The following KPNA4 variants were observed in gnomAD, a reference collection of about 807,000 sequenced individuals.
KPNA4 encodes the protein karyopherin subunit alpha 4.
KPNA4 carries 13 observed loss-of-function variants against 71.3 expected under a neutral mutation model. The ratio of observed to expected loss-of-function variants is 0.18; its 90% CI spans 0.12 to 0.29. The LOEUF is 0.29. Ranked by LOEUF, KPNA4 falls within the 10% of genes least tolerant of loss-of-function variation. The pLI, the probability that KPNA4 is intolerant of heterozygous loss-of-function variation, is 1.00. For missense variants in KPNA4, 334 were observed against 603.2 expected (o/e 0.55, Z 4.67); for synonymous variants, 189 against 195.2 (o/e 0.97, Z 0.26).
chr3:160,537,492 GTTAC>G (rs1324739957), intron 1 of KPNA4, among the ~76,000 whole-genome samples: 2 of 151,264 alleles, frequency 1.3e-5, no homozygotes, highest in South Asian at 2.1e-4. Context: ...CATTTTTTAA[GTTAC>G]TTACTACAGG....
intron 15 of KPNA4, among the ~76,000 whole-genome samples, chr3:160,505,629 C>A (rs1020268015): frequency 6.6e-6 from 1 of 152,208 alleles, no homozygotes; most frequent in African/African-American, 2.4e-5. Context: ...CAAATTGGAT[C>A]CTGTTTTACT....
At chr3:160,544,032 A>G (rs1721857703) in intron 1 of KPNA4, among the ~76,000 whole-genome samples, 1 of 152,002 alleles carries the variant, frequency 6.6e-6, no homozygotes, top group Non-Finnish European at 1.5e-5. Context: ...GTGGCGTGGT[A>G]TTTTTAGTAG....
At chr3:160,512,688 T>G (rs1161102051) in intron 13 of KPNA4, among the ~76,000 whole-genome samples, 1 of 152,090 alleles carries the variant, frequency 6.6e-6, no homozygotes, top group African/African-American at 2.4e-5. Context: ...AAAAATTAGC[T>G]GGGTGTAGTG....
chr3:160,511,726 A>ATATATT (rs1293543380), intron 13 of KPNA4, among the ~76,000 whole-genome samples: 1 of 149,518 alleles, frequency 6.7e-6, no homozygotes, highest in Non-Finnish European at 1.5e-5. Flanking sequence ...ATATATATAT[A>ATATATT]TATAAATATA....
At chr3:160,544,802 G>GTT (rs149458727) in intron 1 of KPNA4, among the ~76,000 whole-genome samples, 2 of 149,978 alleles carry the variant, frequency 1.3e-5, no homozygotes, top group African/African-American at 2.4e-5. Context: ...GAGAAAAATA[G>GTT]TTTTTTTTTT....
intron 11 of KPNA4, among the ~76,000 whole-genome samples, chr3:160,519,668 G>A (rs962206597): frequency 6.6e-6 from 1 of 151,432 alleles, no homozygotes; most frequent in Non-Finnish European, 1.5e-5. Flanking sequence ...GGTGGTGGGC[G>A]CCTGTAGTCC....
intron 13 of KPNA4, among the ~76,000 whole-genome samples, chr3:160,511,965 T>G (rs1721104480): frequency 6.6e-6 from 1 of 152,170 alleles, no homozygotes; most frequent in South Asian, 2.1e-4. Flanking sequence ...AACCCTGTTA[T>G]CTTAAATATC....
chr3:160,499,244 T>C lies in KPNA4; in HGVS notation c.*2860A>G, dbSNP rs1050034290. ...CCATAACACACAATTACTGAAGTCTTTGAAAATTACAAAGGAAATATATTT... is the reference window on the plus strand; with the variant it reads ...CCATAACACACAATTACTGAAGTCTCTGAAAATTACAAAGGAAATATATTT... On this transcript the variant is annotated 3_prime_UTR_variant, in exon 17 of 17. Transcript: ENST00000334256. 2.0e-5 allele frequency: 3 copies of C among 152,116 alleles called. No homozygotes were observed. Among genetic ancestry groups the C allele is most frequent in the African/African-American group, 7.2e-5 (3 of 41,414 alleles). The allele number at this position is 152,116 out of a possible 1,614,324, so 9.4% of individuals were successfully genotyped here.
intron 10 of KPNA4, among the ~76,000 whole-genome samples, chr3:160,523,254 T>C (rs1297610520): frequency 6.6e-6 from 1 of 151,236 alleles, no homozygotes; most frequent in Admixed American, 6.6e-5. Flanking sequence ...GTGGACTGCT[T>C]GAGCCCAGGA....
intron 1 of KPNA4, among the ~76,000 whole-genome samples, chr3:160,555,010 T>A (rs1722109167): frequency 6.6e-6 from 1 of 152,198 alleles, no homozygotes; most frequent in Non-Finnish European, 1.5e-5. Context: ...GCAGAAGACA[T>A]AACCTGTGCT....
chr3:160,565,252 G>T lies in KPNA4; in HGVS notation c.31C>A (p.Arg11=), dbSNP rs769450296. 1.9e-6 allele frequency: 3 copies of T among 1,609,530 alleles called. No homozygotes were observed. Among genetic ancestry groups the T allele is most frequent in the Non-Finnish European group, 2.5e-6 (3 of 1,177,994 alleles). Reference sequence around the variant, plus strand: ...CCTTTGTTCTTGAAATTCTTGAGCCGTTGGTTGTCCAGTTTCTCGTTGTCC... The same window carrying T: ...CCTTTGTTCTTGAAATTCTTGAGCCTTTGGTTGTCCAGTTTCTCGTTGTCC... MADNEKLDNQ[R]LKNFKNKGRD... The change falls in exon 1 of 17, where the codon CGG becomes AGG. Residue 11 remains arginine, a synonymous_variant. Coordinates refer to ENST00000334256, the MANE Select transcript of KPNA4 (RefSeq NM_002268.5).
chr3:160,563,870 A>G (rs1209785309), intron 1 of KPNA4, among the ~76,000 whole-genome samples: 1 of 152,204 alleles, frequency 6.6e-6, no homozygotes, highest in East Asian at 1.9e-4. Context: ...GAACCACAGA[A>G]TTAACATCCC....
In KPNA4 at chr3:160,565,521, G is replaced by A; in HGVS notation, c.-239C>T. On this transcript the variant is annotated 5_prime_UTR_variant, in exon 1 of 17. Coordinates refer to ENST00000334256, the MANE Select transcript of KPNA4 (RefSeq NM_002268.5). ...AAGACAACTGTGGGGCCGGGCGGCG[G>A]CAAGGCGACGGAATGTGCTGCCGGC... 1 of 542,324 alleles carries A rather than the reference G, an allele frequency of 1.8e-6. No individual in the cohort carries two copies. Among genetic ancestry groups the A allele is most frequent in the East Asian group, 3.3e-5 (1 of 30,274 alleles). The allele number at this position is 542,324 out of a possible 1,614,324, so 33.6% of individuals were successfully genotyped here. A position where few individuals can be genotyped will look rare whatever the true frequency, so the allele number is the denominator to read the frequency against.
rs116550228 is a variant in KPNA4 at position 160,560,007 on chromosome 3, G to C, written c.69+5207C>G. ...ATGAAAAGCACAGAAAACAAACTGT[G>C]TTTTCTAGTGTTTGAAAGTCTACAA... On this transcript the variant is annotated intron_variant, in intron 1 of 16. Transcript: ENST00000334256. Among the ~76,000 whole-genome samples the C allele has an allele frequency of 4.5e-3, 679 of 152,180 alleles. 7 individuals are homozygous for C. Among genetic ancestry groups the C allele is most frequent in the African/African-American group, 0.016 (654 of 41,548 alleles).
chr3:160,536,526 T>C (rs1721697581), intron 2 of KPNA4, among the ~76,000 whole-genome samples: 1 of 152,148 alleles, frequency 6.6e-6, no homozygotes, highest in Admixed American at 6.5e-5. Flanking sequence ...AAGTTCTTTA[T>C]ATCTGTTTTT....
intron 1 of KPNA4, among the ~76,000 whole-genome samples, chr3:160,549,366 A>G (rs936230384): frequency 1.3e-5 from 2 of 152,196 alleles, no homozygotes; most frequent in Non-Finnish European, 2.9e-5. Flanking sequence ...CCAAGACCAA[A>G]GTTATAAAAC....
intron 1 of KPNA4, among the ~76,000 whole-genome samples, chr3:160,558,803 A>T (rs1407989721): frequency 6.6e-6 from 1 of 152,218 alleles, no homozygotes; most frequent in Non-Finnish European, 1.5e-5. Flanking sequence ...CATAGGGGTA[A>T]GACTGCTGGT....
rs181501329 is a variant in KPNA4 at position 160,537,172 on chromosome 3, T to C, written c.70-332A>G. Among the ~76,000 whole-genome samples the C allele has an allele frequency of 2.3e-3, 351 of 151,326 alleles. 2 individuals carry two copies. Among genetic ancestry groups the C allele is most frequent in the African/African-American group, 7.8e-3 (324 of 41,292 alleles). On this transcript the variant is annotated intron_variant, in intron 1 of 16. Coordinates refer to ENST00000334256, the MANE Select transcript of KPNA4 (RefSeq NM_002268.5). ...TAATCTCACCCCTCATATGAACCGA[T>C]GATATTACAAAAAATAACACACGTA...
At chr3:160,510,682 A>G (rs1721072018) in intron 13 of KPNA4, among the ~76,000 whole-genome samples, 1 of 152,194 alleles carries the variant, frequency 6.6e-6, no homozygotes, top group African/African-American at 2.4e-5. Flanking sequence ...AAAATGGCAT[A>G]ATTCTTATAG....
Sources: allele counts gnomAD v4.1 joint callset (sites outside exome capture counted in the v4.1 genomes callset), GRCh38; gene constraint gnomAD v4.1.1; transcripts MANE v1.5; gene names NCBI Gene and HGNC (gene_info 2026-07-23, HGNC 2026-07-21).